FBF1: variants seen among roughly 807,000 people sequenced by gnomAD.
The protein encoded by FBF1 is Fas binding factor 1.
FBF1 carries 119 observed loss-of-function variants against 147.2 expected under a neutral mutation model. The observed-to-expected ratio is 0.81, with a 90% CI of 0.70 to 0.94. FBF1 has a LOEUF of 0.94. Ranked by LOEUF, FBF1 falls within the 40% of genes least tolerant of loss-of-function variation. The pLI is 0.00. For missense variants in FBF1, 1,449 were observed against 1,500.8 expected, an observed-to-expected ratio of 0.97 and a Z score of 0.57; for synonymous variants, 601 against 609.0, an observed-to-expected ratio of 0.99 and a Z score of 0.19.
rs1054308277 is a variant in FBF1, at chr17:75,938,368, C to T, written c.-83-136G>A. ...CTGAGGTCAGGAATTCAAGACCAGCCTGGCCAACATGGTGAAACCCTGTCT... is the reference window on the plus strand; with the variant it reads ...CTGAGGTCAGGAATTCAAGACCAGCTTGGCCAACATGGTGAAACCCTGTCT... On this transcript the variant is annotated intron_variant, in intron 1 of 29. Coordinates refer to ENST00000636174, the MANE Select transcript of FBF1 (RefSeq NM_001319193.2). 2.7e-5 allele frequency: 17 copies of T among 640,440 alleles called. No individual in the cohort carries two copies. In the African/African-American group the frequency reaches 2.9e-4, roughly 11 times the overall value. The allele number at this position is 640,440 out of a possible 1,614,324, so 39.7% of individuals were successfully genotyped here.
rs1287008430 is a variant in FBF1, at chr17:75,940,835, C to T, written c.-84+13G>A. 6.5e-6 allele frequency: 1 copy of T among 153,908 alleles called. No homozygotes were observed. Among genetic ancestry groups the T allele is most frequent in the Admixed American group, 6.5e-5 (1 of 15,280 alleles). The allele number at this position is 153,908 out of a possible 1,614,324, so 9.5% of individuals were successfully genotyped here. On this transcript the variant is annotated intron_variant, in intron 1 of 29. Coordinates refer to ENST00000636174, the MANE Select transcript of FBF1 (RefSeq NM_001319193.2). ...CCCTCCGTCCCGAGACTCCGCGCCCCTCAATGCGTCACCCTTCTGAGCGCC... is the reference window on the plus strand; with the variant it reads ...CCCTCCGTCCCGAGACTCCGCGCCCTTCAATGCGTCACCCTTCTGAGCGCC...
chr17:75,937,602 G>T lies in FBF1; in HGVS notation c.4-9C>A. 1.2e-6 allele frequency: 2 copies of T among 1,613,882 alleles called. No homozygotes were observed. Among genetic ancestry groups the T allele is most frequent in the Middle Eastern group, 1.6e-4 (1 of 6,062 alleles). ...TTCTTGGTTTTTGGTGCCTAAAATG[G>T]GAAAAACAAATCACATCAAGAAAAC... On this transcript the variant is annotated splice_polypyrimidine_tract_variant and intron_variant, in intron 2 of 29. Transcript: ENST00000636174.
chr17:75,927,493 C>A lies in FBF1; in HGVS notation c.437G>T (p.Ser146Ile). The change falls in exon 9 of 30, where the codon AGC becomes ATC. Residue 146 changes from serine (S) to isoleucine (I), a missense_variant. By Grantham distance (142) the Ser-to-Ile change is moderately radical. Coordinates refer to ENST00000636174, the MANE Select transcript of FBF1 (RefSeq NM_001319193.2). ...CCTCCTGTTCTGATGCCCAGAGCTG[C>A]TGGGAGACGGAAGTGACTTCTTGGT... is the stretch of plus-strand genomic sequence containing the variant. ...IPTKKSLPSP[S>I]SSGHQNRRFS... 6.2e-7 allele frequency: 1 copy of A among 1,604,472 alleles called. No individual in the cohort carries two copies. The highest frequency in any genetic ancestry group is 8.5e-7 in the Non-Finnish European group (1 of 1,175,702).
At chr17:75,929,964 C>CCCCTTTTAA in intron 7 of FBF1, 33 bp downstream of exon 7, 1 of 1,402,202 alleles carries the variant, frequency 7.1e-7, no homozygotes, top group Admixed American at 2.0e-5. Context: ...CACCCACCCC[C>CCCCTTTTAA]AGTTCTAAGA....
chr17:75,929,964 C>CCCCTTTTTAA, intron 7 of FBF1, 33 bp downstream of exon 7: 1 of 1,402,202 alleles, frequency 7.1e-7, no homozygotes, highest in Non-Finnish European at 9.9e-7. Flanking sequence ...CACCCACCCC[C>CCCCTTTTTAA]AGTTCTAAGA....
intron 4 of FBF1, among the ~76,000 whole-genome samples, chr17:75,933,582 T>C (rs1022773250): frequency 2.6e-5 from 4 of 152,138 alleles, no homozygotes; most frequent in Admixed American, 1.3e-4. Flanking sequence ...TGGGGCCATG[T>C]AGGGGAAACC....
chr17:75,925,551 G>A lies in FBF1; in HGVS notation c.869-105C>T. The A allele has an allele frequency of 1.0e-6, 1 of 968,562 alleles. No homozygotes were observed. The highest frequency in any genetic ancestry group is 1.6e-5 in the African/African-American group (1 of 61,220). The allele number at this position is 968,562 out of a possible 1,614,324, so 60.0% of individuals were successfully genotyped here. On this transcript the variant is annotated intron_variant, in intron 12 of 29. Transcript: ENST00000636174. The surrounding 1 kb of genome is among the most constrained non-coding windows in gnomAD (Gnocchi z 5.0). Reference sequence around the variant, plus strand: ...CTGAATTTGGTAGCTTGTTGTGTAAGACAAGCAGAGGGAAGCTGCTGTGAA... The same window carrying A: ...CTGAATTTGGTAGCTTGTTGTGTAAAACAAGCAGAGGGAAGCTGCTGTGAA...
chr17:75,910,781 T>C lies in FBF1; in HGVS notation c.3389A>G (p.Gln1130Arg), dbSNP rs1301361440. 6.2e-7 allele frequency: 1 copy of C among 1,611,232 alleles called. No individual in the cohort carries two copies. The highest frequency in any genetic ancestry group is 1.7e-5 in the Admixed American group (1 of 59,650). The change falls in exon 30 of 30, where the codon CAG becomes CGG. Residue 1130 changes from glutamine to arginine, a missense_variant. By Grantham distance (43) the Gln-to-Arg change is conservative (BLOSUM62 1). Transcript: ENST00000636174. The surrounding 1 kb of genome is among the most constrained non-coding windows in gnomAD (Gnocchi z 4.1). The stretch of plus-strand genomic sequence containing the variant: ...TTTCTTCAGGGTCTCCAGGAAGAAC[T>C]GTTCATTCTCCAAGAAGTCACGGTC... ...EQDRDFLENE[Q>R]FFLETLKKGS...
rs74841832 is a variant in FBF1, at chr17:75,937,081, C to T, written c.31+485G>A. Among the ~76,000 whole-genome samples, 24 of 152,268 alleles carry T rather than the reference C, an allele frequency of 1.6e-4. No homozygotes were observed. The East Asian group carries it at 4.2e-3, about 27-fold the overall frequency. On this transcript the variant is annotated intron_variant, in intron 3 of 29. Transcript: ENST00000636174. Reference sequence around the variant, plus strand: ...TTTCCAAAACCTCATATCTTATTTACGTCTGAACTTCTCTGAGGACCAGTG... The same window carrying T: ...TTTCCAAAACCTCATATCTTATTTATGTCTGAACTTCTCTGAGGACCAGTG...
At chr17:75,937,671 G>A (rs1470272608) in intron 2 of FBF1, 78 bp from the exon 3 acceptor site, 6 of 1,517,448 alleles carry the variant, frequency 4.0e-6, no homozygotes, top group Non-Finnish European at 4.6e-6. Context: ...AGAATGAATT[G>A]CGTTGCCTTT....
chr17:75,937,558 C>G lies in FBF1; in HGVS notation c.31+8G>C. 2 of 1,613,856 alleles carry G rather than the reference C, an allele frequency of 1.2e-6. No homozygotes were observed. Among genetic ancestry groups the G allele is most frequent in the South Asian group, 1.1e-5 (1 of 91,064 alleles). On this transcript the variant is annotated splice_region_variant and intron_variant, in intron 3 of 29. Transcript: ENST00000636174. ...GGCTTAAGAGTAATGTTCCATCTCT[C>G]CACTCACCTTTACATCCTTTCTTGG...
chr17:75,912,276 C>T lies in FBF1; in HGVS notation c.3279G>A (p.Trp1093Ter). The change falls in exon 29 of 30, where the codon TGG becomes TGA. Residue 1093 changes from tryptophan (W) to a stop codon, truncating the protein, a stop_gained. Transcript: ENST00000636174. LOFTEE classifies it high-confidence loss of function. Reference protein sequence around the residue: ...ALMPPAPTTRWCSQPPTGLDP... With the variant: ...ALMPPAPTTR ...CCAGGCCAGTTGGCGGCTGGCTGCA[C>T]CAACGGGTGGTGGGAGCAGGAGGCA... 6.2e-7 allele frequency: 1 copy of T among 1,608,592 alleles called. No homozygotes were observed. The highest frequency in any genetic ancestry group is 8.5e-7 in the Non-Finnish European group (1 of 1,177,888).
chr17:75,929,662 G>A (rs1258708815), intron 7 of FBF1, among the ~76,000 whole-genome samples: 1 of 152,174 alleles, frequency 6.6e-6, no homozygotes, highest in African/African-American at 2.4e-5. Context: ...TATGGAGAAA[G>A]ATTAAGAACA....
rs759526959 is a variant in FBF1 at position 75,914,023 on chromosome 17, CCCCCTCCTCG to C, written c.3009_3018del (p.Tyr1003Ter). 7 of 1,586,506 alleles carry C rather than the reference CCCCCTCCTCG, an allele frequency of 4.4e-6. No individual in the cohort carries two copies. The highest frequency in any genetic ancestry group is 6.0e-6 in the Non-Finnish European group (7 of 1,173,702). ...TGCTGGGCCTCGCGCAATGCCCGCTCCCCCTCCTCGTACTTCTCGGAGGCCACCTGCAGGG... is the reference window on the plus strand; with the variant it reads ...TGCTGGGCCTCGCGCAATGCCCGCTCTACTTCTCGGAGGCCACCTGCAGGG... On this transcript the variant is annotated frameshift_variant, in exon 27 of 30. Coordinates refer to ENST00000636174, the MANE Select transcript of FBF1 (RefSeq NM_001319193.2). LOFTEE classifies it high-confidence loss of function.
chr17:75,909,684 C>T lies in FBF1; in HGVS notation c.*1039G>A, dbSNP rs2065446710. 1 of 572,636 alleles carries T rather than the reference C, an allele frequency of 1.7e-6. No individual in the cohort carries two copies. Among genetic ancestry groups the T allele is most frequent in the Non-Finnish European group, 3.1e-6 (1 of 320,810 alleles). The allele number at this position is 572,636 out of a possible 1,614,324, so 35.5% of individuals were successfully genotyped here. ...GTGGTCCAGCTGCCAGGTGCCACCG[C>T]AGACCGCAGGTGCTGGAGGGGAGAG... On this transcript the variant is annotated 3_prime_UTR_variant, in exon 30 of 30. Transcript: ENST00000636174.
intron 3 of FBF1, 42 bp downstream of exon 3, chr17:75,937,524 T>C: frequency 2.5e-6 from 4 of 1,608,066 alleles, no homozygotes; most frequent in Non-Finnish European, 2.6e-6. Context: ...GGGAAAAAGA[T>C]ATATATTTGG....
intron 8 of FBF1, 93 bp from the exon 9 acceptor site, chr17:75,927,625 G>T: frequency 1.8e-6 from 2 of 1,115,716 alleles, no homozygotes; most frequent in Non-Finnish European, 1.3e-6. Flanking sequence ...GGGATGGGGT[G>T]CACTTCTTCC....
chr17:75,921,208 A>G (rs1456002058), intron 17 of FBF1, 36 bp downstream of exon 17: 1 of 1,559,054 alleles, frequency 6.4e-7, no homozygotes, highest in South Asian at 1.2e-5. Context: ...ATTGCTCCCT[A>G]GGCCCTGAGC....
rs1013688231 is a variant in FBF1 at position 75,917,669 on chromosome 17, G to A, written c.2505+63C>T. 1.4e-4 allele frequency: 199 copies of A among 1,429,096 alleles called. 1 individual carries two copies. The highest frequency in any genetic ancestry group is 4.0e-4 in the East Asian group (16 of 40,218). 88.5% of individuals were successfully genotyped at this position (1,429,096 alleles called of 1,614,324 possible). On this transcript the variant is annotated intron_variant, in intron 23 of 29. Transcript: ENST00000636174. ...GTCACGGGAGTGCCGCTACACTTGCGGGTGCCCTGGAGAAGAGGCCCCGTG... is the reference window on the plus strand; with the variant it reads ...GTCACGGGAGTGCCGCTACACTTGCAGGTGCCCTGGAGAAGAGGCCCCGTG...
Sources: gnomAD v4.1 joint callset for allele counts (sites outside exome capture counted in the v4.1 genomes callset) on GRCh38, gnomAD v4.1.1 for gene constraint, Gnocchi (gnomAD v3.1) non-coding constraint, MANE v1.5 for transcripts, NCBI Gene and HGNC (gene_info 2026-07-23, HGNC 2026-07-21) for gene names.